Variants in ARHGAP24 observed in about 807,000 individuals in gnomAD.
The protein encoded by ARHGAP24 is Rho GTPase activating protein 24.
Under a neutral mutation model 76.4 loss-of-function variants are expected in ARHGAP24, and 50 were observed. That is an observed-to-expected ratio of 0.65 (90% CI 0.52 to 0.83). ARHGAP24 has a LOEUF of 0.83. ARHGAP24 is among the 40% of genes least tolerant of loss of function. The pLI is 0.00. For synonymous variants in ARHGAP24, 345 were observed against 323.3 expected (o/e 1.07, Z -0.72); for missense variants, 930 against 914.2 (o/e 1.02, Z -0.22).
chr4:85,624,430 T>C (rs1330571385), intron 2 of ARHGAP24, among the ~76,000 whole-genome samples: 1 of 152,216 alleles, frequency 6.6e-6, no homozygotes. Flanking sequence ...ATCCCAGGGA[T>C]GAAGCCCACT....
intron 1 of ARHGAP24, among the ~76,000 whole-genome samples, chr4:85,482,690 A>G (rs767234357): frequency 1.3e-5 from 2 of 152,242 alleles, no homozygotes; most frequent in African/African-American, 4.8e-5. Context: ...TGCCATTCCT[A>G]TGTAAGAATA....
At chr4:85,499,726 C>T (rs1033055484) in intron 1 of ARHGAP24, among the ~76,000 whole-genome samples, 3 of 152,098 alleles carry the variant, frequency 2.0e-5, no homozygotes, top group East Asian at 1.9e-4. Context: ...AAGATGAGTA[C>T]GGAAGAAGAA....
At chr4:85,965,088 A>G (rs757641692) in intron 5 of ARHGAP24, among the ~76,000 whole-genome samples, 8 of 152,256 alleles carry the variant, frequency 5.3e-5, no homozygotes, top group Admixed American at 4.6e-4. Flanking sequence ...TTTTCATGCT[A>G]CTGATAAAGA....
intron 2 of ARHGAP24, among the ~76,000 whole-genome samples, chr4:85,677,022 G>A (rs971897809): frequency 2.0e-5 from 3 of 152,136 alleles, no homozygotes; most frequent in Non-Finnish European, 4.4e-5. Context: ...AGAACCCAAC[G>A]GGGGCAGAGC....
intron 2 of ARHGAP24, among the ~76,000 whole-genome samples, chr4:85,705,364 A>AAATAAG: frequency 6.6e-6 from 1 of 152,342 alleles, no homozygotes; most frequent in East Asian, 1.9e-4. Flanking sequence ...ATACATGTAC[A>AAATAAG]AATAAGACAT....
At chr4:85,914,056 A>T (rs540654209) in intron 3 of ARHGAP24, among the ~76,000 whole-genome samples, 1 of 152,334 alleles carries the variant, frequency 6.6e-6, no homozygotes, top group South Asian at 2.1e-4. Context: ...CATGAAGCTC[A>T]CAAATTTGCC....
At chr4:85,781,110 C>G (rs1727536209) in intron 3 of ARHGAP24, among the ~76,000 whole-genome samples, 1 of 152,198 alleles carries the variant, frequency 6.6e-6, no homozygotes, top group South Asian at 2.1e-4. Flanking sequence ...CTGGTTTATT[C>G]AATTCTTCTG....
intron 3 of ARHGAP24, among the ~76,000 whole-genome samples, chr4:85,742,514 C>G (rs1193217010): frequency 6.6e-6 from 1 of 152,152 alleles, no homozygotes; most frequent in East Asian, 1.9e-4. Context: ...AGTGTGTGTA[C>G]TATATGTATA....
chr4:85,753,099 T>C (rs1320599987), intron 3 of ARHGAP24, among the ~76,000 whole-genome samples: 1 of 152,216 alleles, frequency 6.6e-6, no homozygotes, highest in African/African-American at 2.4e-5. Context: ...AGATAAGATA[T>C]CTTCTGACAC....
chr4:85,538,232 G>A (rs1049303916), intron 1 of ARHGAP24, among the ~76,000 whole-genome samples: 17 of 151,966 alleles, frequency 1.1e-4, no homozygotes, highest in African/African-American at 4.1e-4. Flanking sequence ...TTAATATCAG[G>A]GCTCAAGAAA....
rs1280953389 is a variant in ARHGAP24 at position 85,994,988 on chromosome 4, G to A, written c.1334G>A (p.Gly445Asp). 3.1e-6 allele frequency: 5 copies of A among 1,614,106 alleles called. No homozygotes were observed. The highest frequency in any genetic ancestry group is 1.1e-5 in the South Asian group (1 of 91,074). ...TCCTTCAGCAGCAGTAATGCAGAAGGTCTTGAGAAAACCCAAACCACCCCC... is the reference window on the plus strand; with the variant it reads ...TCCTTCAGCAGCAGTAATGCAGAAGATCTTGAGAAAACCCAAACCACCCCC... The part of the protein sequence containing the change: ...NGSFSSSNAE[G>D]LEKTQTTPNG... The change falls in exon 9 of 10, where the codon GGT (glycine) becomes GAT (aspartate). Residue 445 changes from glycine (G) to aspartate (D), a missense_variant. Coordinates refer to ENST00000395184, the MANE Select transcript of ARHGAP24 (RefSeq NM_001025616.3).
chr4:85,524,942 G>A (rs1014822345), intron 1 of ARHGAP24, among the ~76,000 whole-genome samples: 1 of 152,152 alleles, frequency 6.6e-6, no homozygotes, highest in Admixed American at 6.5e-5. Flanking sequence ...GGAAAGCTAG[G>A]AGATGGCTTA....
intron 4 of ARHGAP24, among the ~76,000 whole-genome samples, chr4:85,937,286 ATGTT>A (rs1736695703): frequency 6.6e-6 from 1 of 152,194 alleles, no homozygotes. Context: ...TGGCACTTCA[ATGTT>A]TTGGGGGGAT....
intron 3 of ARHGAP24, among the ~76,000 whole-genome samples, chr4:85,799,962 A>G (rs900210840): frequency 6.6e-6 from 1 of 152,224 alleles, no homozygotes; most frequent in Non-Finnish European, 1.5e-5. Context: ...CAAAGTCATA[A>G]ATGGCAAAGA....
intron 1 of ARHGAP24, among the ~76,000 whole-genome samples, chr4:85,520,377 T>G (rs1236839294): frequency 6.6e-6 from 1 of 152,126 alleles, no homozygotes; most frequent in Non-Finnish European, 1.5e-5. Flanking sequence ...TGAGGTATAT[T>G]GTCTAACTCT....
intron 1 of ARHGAP24, among the ~76,000 whole-genome samples, chr4:85,521,142 TA>T (rs1724727290): frequency 6.6e-6 from 1 of 152,166 alleles, no homozygotes. Flanking sequence ...GATGCCCAGT[TA>T]AATGGTCTTT....
In ARHGAP24 at chr4:85,942,278, A is replaced by G. The variant is rs930401408; in HGVS notation, c.599+5A>G. The G allele has an allele frequency of 5.0e-6, 8 of 1,613,688 alleles. 1 individual carries two copies. The highest frequency in any genetic ancestry group is 6.8e-6 in the Non-Finnish European group (8 of 1,179,890). On this transcript the variant is annotated splice_donor_5th_base_variant and intron_variant, in intron 5 of 9. Coordinates refer to ENST00000395184, the MANE Select transcript of ARHGAP24 (RefSeq NM_001025616.3). ...GGAGAAGCCATCATTTGACAGGTAG[A>G]TGTCACAATTTTACTAGCCATCTTC...
At chr4:85,935,298 A>G (rs1736568295) in intron 4 of ARHGAP24, among the ~76,000 whole-genome samples, 2 of 152,222 alleles carry the variant, frequency 1.3e-5, no homozygotes, top group African/African-American at 4.8e-5. Flanking sequence ...TCTCAAATCT[A>G]TGAATTCACA....
chr4:85,806,852 T>TC (rs2110109348), intron 3 of ARHGAP24, among the ~76,000 whole-genome samples: 1 of 152,268 alleles, frequency 6.6e-6, no homozygotes, highest in East Asian at 1.9e-4. Context: ...TATGGCTTTT[T>TC]CCCAATTTTA....
Sources: allele counts gnomAD v4.1 joint callset (sites outside exome capture counted in the v4.1 genomes callset), GRCh38; gene constraint gnomAD v4.1.1; transcripts MANE v1.5; gene names NCBI Gene and HGNC (gene_info 2026-07-23, HGNC 2026-07-21).